The following BPI variants were observed in gnomAD, a reference collection of about 807,000 sequenced individuals.
The protein encoded by BPI is bactericidal permeability-increasing protein.
BPI carries 48 observed loss-of-function variants against 57.6 expected under a neutral mutation model. That is an observed-to-expected ratio of 0.83 (90% CI 0.66 to 1.06). The LOEUF is 1.06. Ranked by LOEUF, BPI falls within the 50% of genes least tolerant of loss-of-function variation. BPI has a pLI of 0.00. For missense variants in BPI, 651 were observed against 609.7 expected, an observed-to-expected ratio of 1.07 and a Z score of -0.71; for synonymous variants, 237 against 238.2, an observed-to-expected ratio of 0.99 and a Z score of 0.05.
intron 14 of BPI, among the ~76,000 whole-genome samples, chr20:38,336,374 C>T (rs2076767609): frequency 6.6e-6 from 1 of 152,124 alleles, no homozygotes; most frequent in Non-Finnish European, 1.5e-5. Context: ...CCCAGACATG[C>T]TTCCAGTCTT....
chr20:38,336,526 G>T (rs553804240), intron 14 of BPI, among the ~76,000 whole-genome samples: 16 of 151,944 alleles, frequency 1.1e-4, no homozygotes, highest in Non-Finnish European at 2.1e-4. Flanking sequence ...TCTCACCTTG[G>T]TCAAAGGCTT....
chr20:38,324,768 C>G lies in BPI; in HGVS notation c.934-6C>G, dbSNP rs747022577. ...TCCGAGATCCTTTTCTCATCTCTTG[C>G]TACAGATTCCAAAGGAGTCCAAATT... On this transcript the variant is annotated splice_polypyrimidine_tract_variant and splice_region_variant and intron_variant, in intron 8 of 14. Transcript: ENST00000642449. The G allele has an allele frequency of 6.2e-7, 1 of 1,608,972 alleles. No homozygotes were observed. The highest frequency in any genetic ancestry group is 8.5e-7 in the Non-Finnish European group (1 of 1,175,312).
At chr20:38,320,848 TTA>T (rs2076678254) in intron 7 of BPI, among the ~76,000 whole-genome samples, 3 of 139,456 alleles carry the variant, frequency 2.2e-5, no homozygotes, top group Admixed American at 1.5e-4. Context: ...GATGGATGGA[TTA>T]GTGGATGGAT....
intron 3 of BPI, among the ~76,000 whole-genome samples, chr20:38,310,262 G>A (rs915687418): frequency 6.6e-6 from 1 of 152,170 alleles, no homozygotes; most frequent in Non-Finnish European, 1.5e-5. Context: ...TGAAGCAGTG[G>A]TTAAGAGCAG....
At chr20:38,334,936 G>A (rs1009704359) in intron 13 of BPI, among the ~76,000 whole-genome samples, 2 of 152,118 alleles carry the variant, frequency 1.3e-5, no homozygotes, top group Non-Finnish European at 1.5e-5. Flanking sequence ...AGATCACCAC[G>A]CTGGTAAGAG....
At chr20:38,331,215 A>G (rs1328281637) in intron 12 of BPI, 125 bp downstream of exon 12, 3 of 1,227,150 alleles carry the variant, frequency 2.4e-6, no homozygotes, top group Non-Finnish European at 3.5e-6. Context: ...TTGGTTGTGA[A>G]TTAATAGTTC....
chr20:38,311,911 G>T lies in BPI; in HGVS notation c.574G>T (p.Ala192Ser). 1 of 1,613,988 alleles carries T rather than the reference G, an allele frequency of 6.2e-7. No homozygotes were observed. Among genetic ancestry groups the T allele is most frequent in the Non-Finnish European group, 8.5e-7 (1 of 1,180,004 alleles). The change falls in exon 5 of 15, where the codon GCG (alanine) becomes TCG (serine). Residue 192 changes from alanine (A) to serine (S), a missense_variant. Coordinates refer to ENST00000642449, the MANE Select transcript of BPI (RefSeq NM_001725.3). ...ACTCTTCCACAAAAAAATTGAGTCT[G>T]CGCTTCGAAACAAGATGAACAGCCA... The part of the protein sequence containing the change: ...IQLFHKKIES[A>S]LRNKMNSQVC...
Position 38,320,259 on chromosome 20 carries a change from G to A in BPI, c.741G>A (p.Leu247=), listed in dbSNP as rs958527640. 1 of 1,613,936 alleles carries A rather than the reference G, an allele frequency of 6.2e-7. No homozygotes were observed. Among genetic ancestry groups the A allele is most frequent in the Non-Finnish European group, 8.5e-7 (1 of 1,179,934 alleles). Residue 247 remains leucine, a synonymous_variant, in exon 7 of 15, where the codon CTG becomes CTA. Transcript: ENST00000642449. ...VAPPATTAET[L]DVQMKGEFYS... Reference sequence around the variant, plus strand: ...CTCCAGCAACCACGGCTGAGACCCTGGATGTACAGATGAAGGTGAGGCTGA... The same window carrying A: ...CTCCAGCAACCACGGCTGAGACCCTAGATGTACAGATGAAGGTGAGGCTGA...
intron 7 of BPI, 62 bp downstream of exon 7, chr20:38,320,336 C>T: frequency 4.1e-6 from 6 of 1,477,900 alleles, no homozygotes; most frequent in Non-Finnish European, 5.6e-6. Context: ...CCAGGGCTCC[C>T]CAGTCCTTGG....
chr20:38,326,483 G>A (rs1333083349), intron 10 of BPI, 51 bp downstream of exon 10: 2 of 1,547,148 alleles, frequency 1.3e-6, no homozygotes, highest in Non-Finnish European at 1.7e-6. Flanking sequence ...AGTCCCAACA[G>A]CACTGTCTTT....
intron 7 of BPI, 120 bp from the exon 8 acceptor site, chr20:38,323,750 C>A: frequency 8.8e-7 from 1 of 1,136,532 alleles, no homozygotes; most frequent in Non-Finnish European, 1.2e-6. Flanking sequence ...AGTTTCTGGT[C>A]ATTGCTTTTT....
chr20:38,324,180 G>C, intron 8 of BPI, 134 bp downstream of exon 8: 1 of 1,103,176 alleles, frequency 9.1e-7, no homozygotes, highest in Non-Finnish European at 1.3e-6. Flanking sequence ...AGCTAGAGCT[G>C]AGTTCCAATA....
At chr20:38,327,802 C>A (rs751406364) in intron 11 of BPI, 147 bp downstream of exon 11, 9 of 901,972 alleles carry the variant, frequency 1.0e-5, no homozygotes, top group Non-Finnish European at 1.3e-5. Flanking sequence ...GTGCGATGGC[C>A]ACAGTATCCC....
chr20:38,308,987 G>C lies in BPI; in HGVS notation c.303G>C (p.Val101=), dbSNP rs932191753. ...PSSQISMVPN[V]GLKFSISNAN... ...CCCAGATAAGCATGGTGCCCAATGT[G>C]GGCCTTAAGTTCTCCATCAGCAACG... Residue 101 remains valine (V), a synonymous_variant, in exon 3 of 15, where the codon GTG becomes GTC. Transcript: ENST00000642449. 4 of 1,614,064 alleles carry C rather than the reference G, an allele frequency of 2.5e-6. No homozygotes were observed. The African/African-American group carries it at 4.0e-5, about 16-fold the overall frequency.
At position 38,327,631 on chromosome 20, in the gene BPI, T is replaced by C; in HGVS notation, c.1205T>C (p.Leu402Pro). 6.2e-7 allele frequency: 1 copy of C among 1,613,644 alleles called. No individual in the cohort carries two copies. The highest frequency in any genetic ancestry group is 1.1e-5 in the South Asian group (1 of 91,072). The change falls in exon 11 of 15, where the codon CTT becomes CCT. Residue 402 changes from leucine (L) to proline (P), a missense_variant. Physicochemically the swap from Leu to Pro is moderately conservative, Grantham distance 98 (BLOSUM62 -3). Coordinates refer to ENST00000642449, the MANE Select transcript of BPI (RefSeq NM_001725.3). Reference sequence around the variant, plus strand: ...GAGGTCAGCGCCGAGTCCAACAGGCTTGTTGGAGAGCTCAAGCTGGATAGG... The same window carrying C: ...GAGGTCAGCGCCGAGTCCAACAGGCCTGTTGGAGAGCTCAAGCTGGATAGG... Reference protein sequence around the residue: ...SMEVSAESNRLVGELKLDRLL... With the variant: ...SMEVSAESNRPVGELKLDRLL...
chr20:38,331,258 G>A (rs1052534676), intron 12 of BPI, among the ~76,000 whole-genome samples, 168 bp downstream of exon 12: 1 of 152,192 alleles, frequency 6.6e-6, no homozygotes, highest in Non-Finnish European at 1.5e-5. Flanking sequence ...ACCTGAGCCA[G>A]AATCCCTGCT....
chr20:38,305,677 C>A (rs1434166774), intron 1 of BPI, among the ~76,000 whole-genome samples: 3 of 152,250 alleles, frequency 2.0e-5, no homozygotes, highest in Middle Eastern at 3.4e-3. Flanking sequence ...GGTTCAAATT[C>A]TGCCCCTTGT....
Position 38,337,204 on chromosome 20 carries a change from G to C in BPI, c.*20G>C. 1 of 1,580,778 alleles carries C rather than the reference G, an allele frequency of 6.3e-7. No homozygotes were observed. The highest frequency in any genetic ancestry group is 8.6e-7 in the Non-Finnish European group (1 of 1,166,456). ...AAATGAAGGCACCAGGGGTGCCGGG[G>C]GCTGTCAGCCACACCTGTTCCTGAT... On this transcript the variant is annotated 3_prime_UTR_variant, in exon 15 of 15. Coordinates refer to ENST00000642449, the MANE Select transcript of BPI (RefSeq NM_001725.3).
At chr20:38,329,923 G>T (rs761714557) in intron 11 of BPI, among the ~76,000 whole-genome samples, 3 of 152,008 alleles carry the variant, frequency 2.0e-5, no homozygotes, top group Non-Finnish European at 2.9e-5. Flanking sequence ...TGTTGGCCAG[G>T]CTAGTCTTGA....
Sources: gnomAD v4.1 joint callset for allele counts (sites outside exome capture counted in the v4.1 genomes callset) on GRCh38, gnomAD v4.1.1 for gene constraint, MANE v1.5 for transcripts, NCBI Gene and HGNC (gene_info 2026-07-23, HGNC 2026-07-21) for gene names.